The following FGF13 variants were observed in gnomAD, a reference collection of about 807,000 sequenced individuals.
FGF13 encodes fibroblast growth factor homologous factor 2.
Under a neutral mutation model 19.5 loss-of-function variants are expected in FGF13, and 2 were observed. The observed-to-expected ratio is 0.10, with a 90% CI of 0.04 to 0.32. FGF13 has a LOEUF of 0.32. FGF13 is among the 10% of genes least tolerant of loss of function. The pLI, the probability that FGF13 is intolerant of heterozygous loss-of-function variation, is 1.00. For synonymous variants in FGF13, 72 were observed against 76.9 expected, an observed-to-expected ratio of 0.94 and a Z score of 0.33; for missense variants, 113 against 192.7, an observed-to-expected ratio of 0.59 and a Z score of 2.45.
At chrX:138,868,658 T>C (rs1245029893) in intron 1 of FGF13, among the ~76,000 whole-genome samples, 1 of 111,138 alleles carries the variant, frequency 9.0e-6, no homozygotes, top group Non-Finnish European at 1.9e-5. Context: ...ACCAATATAC[T>C]ATAGAGTGCA....
chrX:139,154,626 T>C (rs2083962976), intron 1 of FGF13, among the ~76,000 whole-genome samples: 1 of 112,025 alleles, frequency 8.9e-6, no homozygotes, highest in Admixed American at 9.5e-5. Flanking sequence ...AAAGGTGTGA[T>C]TGCTTTTCAT....
chrX:138,698,608 A>G (rs1028819327), intron 3 of FGF13, among the ~76,000 whole-genome samples: 2 of 111,832 alleles, frequency 1.8e-5, no homozygotes, highest in Non-Finnish European at 3.8e-5. Flanking sequence ...AGTGGTTTTC[A>G]TAAGCATTAG....
intron 1 of FGF13, among the ~76,000 whole-genome samples, chrX:139,174,165 T>G (rs1007693469): frequency 1.8e-5 from 2 of 112,743 alleles, no homozygotes; most frequent in Non-Finnish European, 3.7e-5. Context: ...ATGATGAACT[T>G]TCTTTCATAT....
chrX:139,038,678 T>C (rs186225873), intron 1 of FGF13, among the ~76,000 whole-genome samples: 2 of 111,984 alleles, frequency 1.8e-5, no homozygotes, highest in African/African-American at 6.5e-5. Context: ...TGTTTGGATG[T>C]CATCTCTTAA....
chrX:138,710,093 A>G (rs1426867566), intron 1 of FGF13, among the ~76,000 whole-genome samples: 1 of 111,187 alleles, frequency 9.0e-6, no homozygotes, highest in East Asian at 2.8e-4. Context: ...AGTCGCTGGA[A>G]TATCGCGCTA....
rs201239646 is a variant in FGF13 at position 139,129,182 on chromosome X, T to C, written c.-113+74234A>G. On this transcript the variant is annotated intron_variant, in intron 1 of 2. Coordinates refer to the FGF13 transcript ENST00000421460. ...ACACACACACACACACACACACACA[T>C]GTGTGTGTGTGTAATTTATGTAATT... Among the ~76,000 whole-genome samples the C allele has an allele frequency of 0.012, 886 of 74,535 alleles. 19 individuals are homozygous for C. The South Asian group carries it at 0.12, about 10-fold the overall frequency. 64.7% of individuals were successfully genotyped at this position (74,535 alleles called of 115,157 possible).
chrX:138,898,369 G>A (rs1238809098), intron 1 of FGF13, among the ~76,000 whole-genome samples: 1 of 111,785 alleles, frequency 8.9e-6, no homozygotes, highest in Non-Finnish European at 1.9e-5. Flanking sequence ...TCTAGTGGGG[G>A]CCAGGCCAGG....
At chrX:138,635,780 A>G (rs745977665) in intron 3 of FGF13, 125 bp from the exon 4 acceptor site, 5 of 476,703 alleles carry the variant, frequency 1.0e-5, no homozygotes, top group Non-Finnish European at 1.8e-5. Flanking sequence ...CTGGTGCTCT[A>G]TTTTAATAGC....
intron 3 of FGF13, among the ~76,000 whole-genome samples, chrX:138,694,755 C>T (rs934292271): frequency 1.1e-4 from 12 of 109,653 alleles, no homozygotes; most frequent in African/African-American, 4.0e-4. Context: ...GGATTACAGG[C>T]GTGAGCCCAC....
intron 1 of FGF13, among the ~76,000 whole-genome samples, chrX:139,177,365 CTCTT>C (rs1411432603): frequency 9.4e-6 from 1 of 106,370 alleles, no homozygotes; most frequent in African/African-American, 3.5e-5. Context: ...TGGGTCTTGA[CTCTT>C]TATCCAATTT....
At chrX:139,203,060 G>A (rs1475677733) in intron 1 of FGF13, among the ~76,000 whole-genome samples, 2 of 112,436 alleles carry the variant, frequency 1.8e-5, no homozygotes, top group African/African-American at 6.5e-5. Context: ...TTTACATTCT[G>A]GAGCTAATCC....
intron 3 of FGF13, among the ~76,000 whole-genome samples, chrX:138,810,802 C>T (rs768839088): frequency 2.7e-5 from 3 of 112,209 alleles, no homozygotes; most frequent in African/African-American, 9.7e-5. Flanking sequence ...ACAGACACTG[C>T]TCAGAAGAAG....
chrX:138,748,849 C>T lies in FGF13; in HGVS notation c.218-39921G>A, dbSNP rs1016265749. On this transcript the variant is annotated intron_variant, in intron 3 of 6. Transcript: ENST00000436198. The stretch of plus-strand genomic sequence containing the variant: ...TAGATATCATGCTATGCTTCCTTAC[C>T]ACAATAAAAATATTTTTTAAAAAAA... Among the ~76,000 whole-genome samples, 5 of 111,232 alleles carry T rather than the reference C, an allele frequency of 4.5e-5. No individual in the cohort carries two copies. The East Asian group carries it at 1.4e-3, about 32-fold the overall frequency.
At chrX:138,753,312 T>C (rs944175139) in intron 3 of FGF13, among the ~76,000 whole-genome samples, 3 of 112,463 alleles carry the variant, frequency 2.7e-5, no homozygotes, top group African/African-American at 9.7e-5. Flanking sequence ...AGGGAAGCAC[T>C]GTCAGTTACT....
At chrX:138,908,560 A>T in intron 1 of FGF13, among the ~76,000 whole-genome samples, 1 of 110,483 alleles carries the variant, frequency 9.1e-6, no homozygotes, top group East Asian at 2.8e-4. Flanking sequence ...AGAGGCAGGG[A>T]TAAGGAAGAT....
intron 1 of FGF13, among the ~76,000 whole-genome samples, chrX:139,104,580 A>G (rs1437174031): frequency 8.9e-6 from 1 of 111,758 alleles, no homozygotes; most frequent in African/African-American, 3.3e-5. Flanking sequence ...TCAGGCTGCT[A>G]TAACATAGTA....
chrX:138,909,833 T>G (rs1165895476), intron 1 of FGF13, among the ~76,000 whole-genome samples: 1 of 111,861 alleles, frequency 8.9e-6, no homozygotes, highest in Non-Finnish European at 1.9e-5. Flanking sequence ...AGAAAAACAT[T>G]ATCTGAATAT....
intron 1 of FGF13, among the ~76,000 whole-genome samples, chrX:139,117,968 C>A (rs2083651029): frequency 8.9e-6 from 1 of 111,863 alleles, no homozygotes; most frequent in Admixed American, 9.5e-5. Flanking sequence ...GAACAAGGCA[C>A]AGTCCAGGTC....
intron 1 of FGF13, among the ~76,000 whole-genome samples, chrX:138,967,205 T>G (rs2091898675): frequency 9.1e-6 from 1 of 110,270 alleles, no homozygotes; most frequent in East Asian, 2.9e-4. Flanking sequence ...TTCTTTTATA[T>G]TTAACTCTTT....
Sources: allele counts gnomAD v4.1 joint callset (sites outside exome capture counted in the v4.1 genomes callset), GRCh38; gene constraint gnomAD v4.1.1; transcripts MANE v1.5; gene names NCBI Gene and HGNC (gene_info 2026-07-23, HGNC 2026-07-21).